SLC17A1: variants seen among roughly 807,000 people sequenced by gnomAD.
SLC17A1 encodes solute carrier family 17 member 1.
In SLC17A1, 51 loss-of-function variants were observed where a neutral mutation model predicts 53.5. The observed-to-expected ratio is 0.95, with a 90% confidence interval of 0.76 to 1.20. SLC17A1 has a LOEUF of 1.20. Among genes scored for constraint, SLC17A1 ranks in the 50% most tolerant of loss-of-function variants. The probability of loss-of-function intolerance (pLI) is 0.00; values close to 1 mark genes in which losing one functional copy is unlikely to be tolerated. For missense variants in SLC17A1, 538 were observed against 568.2 expected, an observed-to-expected ratio of 0.95 and a Z score of 0.54; for synonymous variants, 179 against 198.8, an observed-to-expected ratio of 0.90 and a Z score of 0.84.
intron 12 of SLC17A1, among the ~76,000 whole-genome samples, chr6:25,785,590 T>C (rs1763364298): frequency 6.6e-6 from 1 of 152,176 alleles, no homozygotes; most frequent in Non-Finnish European, 1.5e-5. Context: ...CTGATTCTTA[T>C]CAGTCTAGTA....
At position 25,819,096 on chromosome 6, in the gene SLC17A1, C is replaced by A; in HGVS notation, c.588G>T (p.Leu196=). 6.2e-7 allele frequency: 1 copy of A among 1,609,430 alleles called. No homozygotes were observed. Among genetic ancestry groups the A allele is most frequent in the Non-Finnish European group, 8.5e-7 (1 of 1,178,472 alleles). ...LLVTGVICES[L]GWPMVFYIFG... ...AAATATAGAAGACCATGGGCCAGCCCAGAGATTCACAGATAACTCCAGTCA... is the reference window on the plus strand; with the variant it reads ...AAATATAGAAGACCATGGGCCAGCCAAGAGATTCACAGATAACTCCAGTCA... The change falls in exon 6 of 13, where the codon CTG becomes CTT. Residue 196 remains leucine, a synonymous_variant. Coordinates refer to ENST00000244527, the MANE Select transcript of SLC17A1 (RefSeq NM_005074.5).
the SLC17A1 span, among the ~76,000 whole-genome samples, chr6:25,774,984 T>C: frequency 5.3e-5 from 8 of 152,196 alleles, no homozygotes; most frequent in African/African-American, 1.7e-4. Context: ...AGAATTTTAG[T>C]TTAGAAGTTT....
the SLC17A1 span, chr6:25,770,789 G>C: frequency 2.8e-6 from 2 of 716,478 alleles, no homozygotes; most frequent in Non-Finnish European, 4.9e-6. Flanking sequence ...AGATCACATA[G>C]TTACCAAGTG....
chr6:25,726,828 A>G, the SLC17A1 span: 6 of 1,487,894 alleles, frequency 4.0e-6, no homozygotes, highest in African/African-American at 2.8e-5. Context: ...GCTGTTTAAT[A>G]CTGAAGAGCT....
At chr6:25,769,984 T>A in the SLC17A1 span, 1 of 1,179,036 alleles carries the variant, frequency 8.5e-7, no homozygotes, top group East Asian at 2.3e-5. Context: ...TAACTGCCAA[T>A]TAATTTTTGC....
the SLC17A1 span, chr6:25,726,072 C>CTGAAAAGAG: frequency 6.9e-7 from 1 of 1,451,638 alleles, no homozygotes; most frequent in African/African-American, 1.4e-5. Context: ...GTAGGTGGCT[C>CTGAAAAGAG]TGAAAAGAGC....
the SLC17A1 span, chr6:25,770,218 T>A: frequency 6.2e-7 from 1 of 1,613,990 alleles, no homozygotes; most frequent in Non-Finnish European, 8.5e-7. Context: ...ATTTCCTCAT[T>A]CCTGACCCTC....
chr6:25,802,935 CTTTTTTTTTTTTTTTTT>C (rs34669145), intron 10 of SLC17A1, among the ~76,000 whole-genome samples: 5 of 46,062 alleles, frequency 1.1e-4, no homozygotes, highest in Non-Finnish European at 1.5e-4. Context: ...CTATCTTCTT[CTTTTTTTTTTTTTTTTT>C]TTTTTTTTTT....
chr6:25,723,774 G>A, the SLC17A1 span, among the ~76,000 whole-genome samples: 1 of 152,146 alleles, frequency 6.6e-6, no homozygotes, highest in Non-Finnish European at 1.5e-5. Context: ...CACTGCACTC[G>A]TCTGTGCGAC....
the SLC17A1 span, chr6:25,777,596 AC>A: frequency 7.9e-3 from 1,605 of 203,386 alleles, 27 homozygotes; most frequent in African/African-American, 0.035. Context: ...AACAACAACA[AC>A]AACAACAACA....
chr6:25,756,152 C>T, the SLC17A1 span, among the ~76,000 whole-genome samples: 1 of 152,020 alleles, frequency 6.6e-6, no homozygotes, highest in African/African-American at 2.4e-5. Flanking sequence ...CCTATAGGAC[C>T]CAAAATGGTC....
At chr6:25,752,522 A>T in the SLC17A1 span, among the ~76,000 whole-genome samples, 53 of 152,320 alleles carry the variant, frequency 3.5e-4, no homozygotes, top group Middle Eastern at 3.4e-3. Flanking sequence ...CTAAGTTTAT[A>T]AAAAAATTTT....
chr6:25,776,885 C>A, the SLC17A1 span: 2 of 1,613,858 alleles, frequency 1.2e-6, no homozygotes, highest in Non-Finnish European at 1.7e-6. Context: ...CCATGACCTT[C>A]TTGGTGCTGT....
the SLC17A1 span, chr6:25,776,886 T>C: frequency 1.2e-6 from 2 of 1,613,996 alleles, no homozygotes; most frequent in Non-Finnish European, 1.7e-6. Context: ...CATGACCTTC[T>C]TGGTGCTGTC....
intron 10 of SLC17A1, 33 bp downstream of exon 10, chr6:25,811,365 A>T (rs1192131207): frequency 6.4e-7 from 1 of 1,572,234 alleles, no homozygotes; most frequent in East Asian, 2.3e-5. Flanking sequence ...TTATTTGTTA[A>T]AGGTTAAAAA....
chr6:25,828,972 C>A (rs1423113028), intron 2 of SLC17A1, among the ~76,000 whole-genome samples: 1 of 152,024 alleles, frequency 6.6e-6, no homozygotes, highest in Non-Finnish European at 1.5e-5. Flanking sequence ...GTTTTCTGGC[C>A]AACTGAGCTT....
chr6:25,785,809 GA>G (rs912980219), intron 12 of SLC17A1, among the ~76,000 whole-genome samples: 18 of 150,664 alleles, frequency 1.2e-4, no homozygotes, highest in African/African-American at 3.2e-4. Context: ...GATGGCTACT[GA>G]AAAAAAAAGA....
At chr6:25,770,955 C>A in the SLC17A1 span, 1 of 1,613,912 alleles carries the variant, frequency 6.2e-7, no homozygotes, top group African/African-American at 1.3e-5. Flanking sequence ...CATTGTTCTA[C>A]TTGCTGGTGG....
chr6:25,742,157 G>T, the SLC17A1 span, among the ~76,000 whole-genome samples: 3 of 152,154 alleles, frequency 2.0e-5, no homozygotes, highest in Non-Finnish European at 1.5e-5. Flanking sequence ...AAGGTTAAAA[G>T]AATCATCCGG....
Sources: gnomAD v4.1 joint callset for allele counts (sites outside exome capture counted in the v4.1 genomes callset) on GRCh38, gnomAD v4.1.1 for gene constraint, MANE v1.5 for transcripts, NCBI Gene and HGNC (gene_info 2026-07-23, HGNC 2026-07-21) for gene names.